Variants in COASY observed in about 807,000 individuals in gnomAD.
COASY encodes bifunctional coenzyme A synthase.
In COASY, 31 loss-of-function variants were observed where a neutral mutation model predicts 49.4. The ratio of observed to expected loss-of-function variants is 0.63; its 90% CI spans 0.47 to 0.85. The LOEUF (loss-of-function observed/expected upper bound fraction) is 0.85. Ranked by LOEUF, COASY falls within the 40% of genes least tolerant of loss-of-function variation. The pLI is 0.00. For synonymous variants in COASY, 285 were observed against 310.9 expected, an observed-to-expected ratio of 0.92 and a Z score of 0.88; for missense variants, 730 against 734.1, an observed-to-expected ratio of 0.99 and a Z score of 0.06.
chr17:42,563,144 C>G lies in COASY; in HGVS notation c.522C>G (p.Ile174Met). ...TGGATGTCCCCTTACCCTCCACGAT[C>G]AGGCCAGCTTCCCCCGTGGCCGGGT... Reference protein sequence around the residue: ...EPLDVPLPSTIRPASPVAGSP... With the variant: ...EPLDVPLPSTMRPASPVAGSP... Residue 174 changes from isoleucine (I) to methionine (M), a missense_variant, in exon 1 of 9, where the codon ATC (isoleucine) becomes ATG (methionine). Ile to Met is a conservative substitution (Grantham distance 10, BLOSUM62 1). Coordinates refer to ENST00000393818, the MANE Select transcript of COASY (RefSeq NM_025233.7). 6.2e-7 allele frequency: 1 copy of G among 1,613,910 alleles called. No individual in the cohort carries two copies. The highest frequency in any genetic ancestry group is 8.5e-7 in the Non-Finnish European group (1 of 1,179,938).
In COASY at chr17:42,565,677, G is replaced by A. The variant is rs751333991; in HGVS notation, c.1504G>A (p.Glu502Lys). ...TGCTCAGGCTGTAAGACGCATTGTGGAGAGGGATGGCCTCAGTGAAGCCGC... is the reference window on the plus strand; with the variant it reads ...TGCTCAGGCTGTAAGACGCATTGTGAAGAGGGATGGCCTCAGTGAAGCCGC... ...PETEAVRRIV[E>K]RDGLSEAAAQ... is the part of the protein sequence containing the mutation. The change falls in exon 8 of 9, where the codon GAG becomes AAG. Residue 502 changes from glutamate (E) to lysine (K), a missense_variant. Physicochemically the swap from Glu to Lys is moderately conservative, Grantham distance 56. Coordinates refer to ENST00000393818, the MANE Select transcript of COASY (RefSeq NM_025233.7). The A allele has an allele frequency of 2.0e-5, 32 of 1,614,016 alleles. No homozygotes were observed. Among genetic ancestry groups the A allele is most frequent in the Non-Finnish European group, 2.5e-5 (30 of 1,180,050 alleles).
rs766909925 is a variant in COASY at position 42,562,502 on chromosome 17, C to A, written c.-121C>A. 3 of 1,613,550 alleles carry A rather than the reference C, an allele frequency of 1.9e-6. No homozygotes were observed. The highest frequency in any genetic ancestry group is 8.5e-7 in the Non-Finnish European group (1 of 1,179,800). On this transcript the variant is annotated 5_prime_UTR_variant, in exon 1 of 9. Coordinates refer to ENST00000393818, the MANE Select transcript of COASY (RefSeq NM_025233.7). ...GGCTCCTGTCGGTCAGCACTGAAAC[C>A]CCGTCCCTGCTCCAGGCCTCCTTCT...
rs754589324 is a variant in COASY, at chr17:42,564,580, A to G, written c.1047+3A>G. 1.2e-6 allele frequency: 2 copies of G among 1,609,220 alleles called. No individual in the cohort carries two copies. Among genetic ancestry groups the G allele is most frequent in the Non-Finnish European group, 1.7e-6 (2 of 1,177,312 alleles). Reference sequence around the variant, plus strand: ...GGAACCTGCTTCGGCCTCCATATGTAAGCTCCTCTCCCTCCTTCCCTCCTG... The same window carrying G: ...GGAACCTGCTTCGGCCTCCATATGTGAGCTCCTCTCCCTCCTTCCCTCCTG... On this transcript the variant is annotated splice_donor_region_variant and intron_variant, in intron 3 of 8. Coordinates refer to ENST00000393818, the MANE Select transcript of COASY (RefSeq NM_025233.7).
intron 3 of COASY, 40 bp downstream of exon 3, chr17:42,564,617 G>C (rs781104723): frequency 6.3e-7 from 1 of 1,582,094 alleles, no homozygotes; most frequent in Non-Finnish European, 8.6e-7. Flanking sequence ...TTGGTGTCCT[G>C]GCAATGCTGG....
rs1418009481 is a variant in COASY at position 42,565,689 on chromosome 17, C to T, written c.1516C>T (p.Leu506Phe). The T allele has an allele frequency of 6.2e-7, 1 of 1,614,104 alleles. No individual in the cohort carries two copies. Among genetic ancestry groups the T allele is most frequent in the East Asian group, 2.2e-5 (1 of 44,886 alleles). Reference sequence around the variant, plus strand: ...AAGACGCATTGTGGAGAGGGATGGCCTCAGTGAAGCCGCGGCTCAAAGCCG... The same window carrying T: ...AAGACGCATTGTGGAGAGGGATGGCTTCAGTGAAGCCGCGGCTCAAAGCCG... ...AVRRIVERDG[L>F]SEAAAQSRLQ... Residue 506 changes from leucine to phenylalanine, a missense_variant, in exon 8 of 9, where the codon CTC (leucine) becomes TTC (phenylalanine). Coordinates refer to ENST00000393818, the MANE Select transcript of COASY (RefSeq NM_025233.7).
In COASY at chr17:42,565,905, G is replaced by A. The variant is rs900085144; in HGVS notation, c.1633-1G>A. 1 of 1,614,002 alleles carries A rather than the reference G, an allele frequency of 6.2e-7. No homozygotes were observed. The highest frequency in any genetic ancestry group is 1.1e-5 in the South Asian group (1 of 91,090). The stretch of plus-strand genomic sequence containing the variant: ...CTCCCAACATCCTGGCCTGTCTGAA[G>A]GTGGAGAAAGCCTGGGCCCTCTTGC... On this transcript the variant is annotated splice_acceptor_variant, in intron 8 of 8. Coordinates refer to ENST00000393818, the MANE Select transcript of COASY (RefSeq NM_025233.7). LOFTEE classifies it high-confidence loss of function.
chr17:42,565,483 G>A lies in COASY; in HGVS notation c.1400G>A (p.Cys467Tyr). The A allele has an allele frequency of 1.2e-6, 2 of 1,614,206 alleles. No homozygotes were observed. Among genetic ancestry groups the A allele is most frequent in the Non-Finnish European group, 1.7e-6 (2 of 1,180,034 alleles). The change falls in exon 7 of 9, where the codon TGT (cysteine) becomes TAT (tyrosine). Residue 467 changes from cysteine to tyrosine, a missense_variant. Cys to Tyr is a radical substitution (Grantham distance 194). Transcript: ENST00000393818. Reference sequence around the variant, plus strand: ...GGTCTCCCCACAGGAAAGCGTGTGTGTGTGATTGATGCCGCTGTGTTGCTT... The same window carrying A: ...GGTCTCCCCACAGGAAAGCGTGTGTATGTGATTGATGCCGCTGTGTTGCTT... The part of the protein sequence containing the change: ...DRAVAEGKRV[C>Y]VIDAAVLLEA...
rs1376918556 is a variant in COASY, at chr17:42,563,429, C to G, written c.700+107C>G. On this transcript the variant is annotated intron_variant, in intron 1 of 8. Coordinates refer to ENST00000393818, the MANE Select transcript of COASY (RefSeq NM_025233.7). Reference sequence around the variant, plus strand: ...GTAGGGCCATTCATTACTTCCCACCCTTCCCAAATGTCACAGTGGTTGACA... The same window carrying G: ...GTAGGGCCATTCATTACTTCCCACCGTTCCCAAATGTCACAGTGGTTGACA... 1.0e-5 allele frequency: 11 copies of G among 1,088,712 alleles called. No homozygotes were observed. The East Asian group carries it at 2.8e-4, about 28-fold the overall frequency. 67.4% of individuals were successfully genotyped at this position (1,088,712 alleles called of 1,614,324 possible).
At position 42,563,552 on chromosome 17, in the gene COASY, G is replaced by T. The variant is rs666039; in HGVS notation, c.700+230G>T. ...GAATACCCCAAATGTGAAGCAAAGG[G>T]ATCTGCATTTTAGCAAGTTTTCCAG... On this transcript the variant is annotated intron_variant, in intron 1 of 8. Transcript: ENST00000393818. 0.52 allele frequency: 285,586 copies of T among 546,196 alleles called. 76,224 individuals are homozygous for T. The highest frequency in any genetic ancestry group is 0.62 in the South Asian group (24,606 of 39,538). The allele number at this position is 546,196 out of a possible 1,614,324, so 33.8% of individuals were successfully genotyped here.
At chr17:42,563,459 A>T in intron 1 of COASY, 137 bp downstream of exon 1, 1 of 832,816 alleles carries the variant, frequency 1.2e-6, no homozygotes. Flanking sequence ...TTGACACTCA[A>T]TTGGTGCTAA....
At position 42,564,441 on chromosome 17, in the gene COASY, C is replaced by T; in HGVS notation, c.916-5C>T. On this transcript the variant is annotated splice_region_variant and splice_polypyrimidine_tract_variant and intron_variant, in intron 2 of 8. Coordinates refer to ENST00000393818, the MANE Select transcript of COASY (RefSeq NM_025233.7). ...CCTCTTTTTACCCTTTCCTCTTTACCCCAGGACCTGGAGGAACTTGCTTTG... is the reference window on the plus strand; with the variant it reads ...CCTCTTTTTACCCTTTCCTCTTTACTCCAGGACCTGGAGGAACTTGCTTTG... 1 of 1,614,000 alleles carries T rather than the reference C, an allele frequency of 6.2e-7. No individual in the cohort carries two copies. The highest frequency in any genetic ancestry group is 8.5e-7 in the Non-Finnish European group (1 of 1,179,988).
intron 1 of COASY, chr17:42,563,726 G>A: frequency 1.8e-6 from 1 of 550,822 alleles, no homozygotes; most frequent in South Asian, 2.5e-5. Flanking sequence ...TCGTTCTCTG[G>A]AGTGGTTTCC....
intron 2 of COASY, 48 bp downstream of exon 2, chr17:42,564,223 AGGCCATTTTGAGGG>A (rs1463260275): frequency 6.3e-7 from 1 of 1,575,770 alleles, no homozygotes; most frequent in Non-Finnish European, 8.7e-7. Flanking sequence ...GGGACGGGGA[AGGCCATTTTGAGGG>A]GGCTGTTGGA....
Position 42,563,093 on chromosome 17 carries a change from G to A in COASY, c.471G>A (p.Gly157=). Residue 157 remains glycine (G), a synonymous_variant, in exon 1 of 9, where the codon GGG becomes GGA. Transcript: ENST00000393818. ...LASVLLYSDY[G]IGEVPVEPLD... is the part of the protein sequence containing the mutation. ...CGGTGCTGCTATACTCCGATTATGG[G>A]ATAGGAGAAGTGCCCGTGGAGCCCC... 1 of 1,613,726 alleles carries A rather than the reference G, an allele frequency of 6.2e-7. No homozygotes were observed.
rs1296844339 is a variant in COASY at position 42,566,071 on chromosome 17, C to T, written c.*103C>T. ...CTCACCCTGGTTCAGGCCCAGAGGT[C>T]CAAGCTATACTGTGCAGGACATGGC... On this transcript the variant is annotated 3_prime_UTR_variant, in exon 9 of 9. Coordinates refer to ENST00000393818, the MANE Select transcript of COASY (RefSeq NM_025233.7). 1 of 1,232,014 alleles carries T rather than the reference C, an allele frequency of 8.1e-7. No individual in the cohort carries two copies. Among genetic ancestry groups the T allele is most frequent in the African/African-American group, 1.5e-5 (1 of 67,244 alleles). The allele number at this position is 1,232,014 out of a possible 1,614,324, so 76.3% of individuals were successfully genotyped here.
intron 5 of COASY, 69 bp from the exon 6 acceptor site, chr17:42,565,158 A>G (rs1248507266): frequency 1.0e-5 from 16 of 1,595,424 alleles, no homozygotes; most frequent in Middle Eastern, 1.7e-4. Flanking sequence ...TCTGTTCCCA[A>G]CACCACCTTG....
At position 42,562,536 on chromosome 17, in the gene COASY, CA is replaced by C. The variant is rs779997818; in HGVS notation, c.-85del. 6.2e-7 allele frequency: 1 copy of C among 1,610,442 alleles called. No individual in the cohort carries two copies. Among genetic ancestry groups the C allele is most frequent in the South Asian group, 1.1e-5 (1 of 90,892 alleles). Reference sequence around the variant, plus strand: ...GCTCCAGGCCTCCTTCTCTGGGGTCCAAGGTCCCATACAGGCCTCTGCCTCG... The same window carrying C: ...GCTCCAGGCCTCCTTCTCTGGGGTCCAGGTCCCATACAGGCCTCTGCCTCG... On this transcript the variant is annotated 5_prime_UTR_variant, in exon 1 of 9. Coordinates refer to ENST00000393818, the MANE Select transcript of COASY (RefSeq NM_025233.7).
At position 42,563,055 on chromosome 17, in the gene COASY, C is replaced by A. The variant is rs745605140; in HGVS notation, c.433C>A (p.Pro145Thr). 6.2e-7 allele frequency: 1 copy of A among 1,614,042 alleles called. No homozygotes were observed. The highest frequency in any genetic ancestry group is 1.3e-5 in the African/African-American group (1 of 74,936). ...RYATSCYSCCPRLASVLLYSD... is the reference protein window; with the variant it reads ...RYATSCYSCCTRLASVLLYSD... ...CGCCACCAGCTGTTACAGCTGTTGT[C>A]CGCGACTGGCCTCGGTGCTGCTATA... Residue 145 changes from proline (P) to threonine (T), a missense_variant, in exon 1 of 9, where the codon CCG becomes ACG. Transcript: ENST00000393818.
At position 42,562,455 on chromosome 17, in the gene COASY, A is replaced by G. The variant is rs1413746279; in HGVS notation, c.-168A>G. ...AGAGCACAGCCCCGAGGCGCCGTCTACCAGGCCCCGTCCCCTCCCCCGGCT... is the reference window on the plus strand; with the variant it reads ...AGAGCACAGCCCCGAGGCGCCGTCTGCCAGGCCCCGTCCCCTCCCCCGGCT... On this transcript the variant is annotated 5_prime_UTR_variant, in exon 1 of 9. Transcript: ENST00000393818. The G allele has an allele frequency of 3.7e-6, 6 of 1,613,654 alleles. No homozygotes were observed. Among genetic ancestry groups the G allele is most frequent in the African/African-American group, 2.7e-5 (2 of 74,896 alleles).
Sources: gnomAD v4.1 joint callset for allele counts on GRCh38, gnomAD v4.1.1 for gene constraint, MANE v1.5 for transcripts, NCBI Gene and HGNC (gene_info 2026-07-23, HGNC 2026-07-21) for gene names.